The following RFC2 variants were observed in gnomAD, a reference collection of about 807,000 sequenced individuals.
The protein encoded by RFC2 is A1 40 kDa subunit.
A neutral mutation model predicts 44.8 loss-of-function variants in RFC2; 34 were observed. That is an observed-to-expected ratio of 0.76 (90% CI 0.58 to 1.01). The LOEUF (loss-of-function observed/expected upper bound fraction) is 1.01, where lower values mean the gene tolerates loss of function less well. Among genes scored for constraint, RFC2 ranks in the 50% least tolerant of loss-of-function variants. RFC2 has a pLI of 0.00. For synonymous variants in RFC2, 177 were observed against 168.9 expected (o/e 1.05, Z -0.37); for missense variants, 400 against 453.6 (o/e 0.88, Z 1.07).
intron 1 of RFC2, chr7:74,253,489 G>T (rs1344815433): frequency 6.6e-6 from 1 of 152,182 alleles, no homozygotes; most frequent in Non-Finnish European, 1.5e-5. Context: ...CTTTGGGAAG[G>T]CGAGGCGGAC....
chr7:74,248,941 G>C (rs1803775824), intron 4 of RFC2, 71 bp downstream of exon 4: 55 of 1,075,260 alleles, frequency 5.1e-5, no homozygotes, highest in Non-Finnish European at 5.6e-5. Flanking sequence ...CCAATGCTGA[G>C]AAAGGTTGTT....
chr7:74,247,150 G>GT (rs1554720215), intron 4 of RFC2, among the ~76,000 whole-genome samples: 1 of 149,004 alleles, frequency 6.7e-6, no homozygotes, highest in African/African-American at 2.5e-5. Flanking sequence ...TCATCCTTCA[G>GT]TTTTTTAACT....
In RFC2 at chr7:74,237,103, A is replaced by G. The variant is rs542586715; in HGVS notation, c.840+259T>C. Among the ~76,000 whole-genome samples, 542 of 152,078 alleles carry G rather than the reference A, an allele frequency of 3.6e-3. 2 individuals are homozygous for G. Among genetic ancestry groups the G allele is most frequent in the Non-Finnish European group, 5.5e-3 (373 of 67,990 alleles). On this transcript the variant is annotated intron_variant, in intron 9 of 10. Transcript: ENST00000055077. ...CCAGTTCCTAGACAGATTAACACAT[A>G]GCATGATATTAATAATTTTTTTTTT...
chr7:74,233,439 T>C (rs1347172974), intron 10 of RFC2, among the ~76,000 whole-genome samples: 3 of 151,974 alleles, frequency 2.0e-5, no homozygotes, highest in Non-Finnish European at 4.4e-5. Flanking sequence ...TTTTAAAAAA[T>C]GGGTATATAT....
intron 5 of RFC2, among the ~76,000 whole-genome samples, chr7:74,245,576 G>A (rs1036248099): frequency 1.5e-4 from 22 of 150,904 alleles, no homozygotes; most frequent in Non-Finnish European, 4.4e-5. Context: ...AGCTGGGCGT[G>A]GTGGAGGGCG....
intron 2 of RFC2, among the ~76,000 whole-genome samples, chr7:74,250,019 G>A (rs1333032718): frequency 1.3e-5 from 2 of 151,884 alleles, no homozygotes; most frequent in Non-Finnish European, 2.9e-5. Context: ...CAGGTGTGGT[G>A]GTGTGCTCCT....
At chr7:74,235,401 C>T in intron 10 of RFC2, 131 bp downstream of exon 10, 3 of 683,932 alleles carry the variant, frequency 4.4e-6, no homozygotes, top group Non-Finnish European at 8.2e-6. Flanking sequence ...AGGCTGGTCT[C>T]GAACTCCTGA....
At chr7:74,244,348 TA>T (rs201550100) in intron 5 of RFC2, among the ~76,000 whole-genome samples, 3,031 of 146,378 alleles carry the variant, frequency 0.021, 48 homozygotes, top group East Asian at 0.048. Context: ...ACTGCCACAT[TA>T]AAAAAAAAAA....
Position 74,250,891 on chromosome 7 carries a change from C to T in RFC2, c.184-1111G>A, listed in dbSNP as rs1253878966. ...GCAACCTCCGCCTCCCGGGTTCAAG[C>T]GATTCTCCTGCCTCAGCCTCCTGAG... On this transcript the variant is annotated intron_variant, in intron 2 of 10. Transcript: ENST00000055077. Among the ~76,000 whole-genome samples, 7 of 152,188 alleles carry T rather than the reference C, an allele frequency of 4.6e-5. No homozygotes were observed. In the East Asian group the frequency reaches 5.8e-4, roughly 13 times the overall value.
chr7:74,241,681 C>T (rs1176514535), intron 6 of RFC2, among the ~76,000 whole-genome samples: 22 of 152,272 alleles, frequency 1.4e-4, no homozygotes, highest in Non-Finnish European at 1.2e-4. Flanking sequence ...AAGGATGGGC[C>T]AGCCGTGGTG....
intron 7 of RFC2, among the ~76,000 whole-genome samples, chr7:74,239,279 G>A (rs1339247089): frequency 4.7e-5 from 7 of 149,232 alleles, no homozygotes; most frequent in South Asian, 2.1e-4. Flanking sequence ...AGGTTCAAGC[G>A]ATTCTTCTGC....
intron 4 of RFC2, among the ~76,000 whole-genome samples, chr7:74,247,564 C>T (rs1306813714): frequency 6.6e-6 from 1 of 152,162 alleles, no homozygotes; most frequent in Non-Finnish European, 1.5e-5. Flanking sequence ...CGCTTGAACC[C>T]AGAAGGCAGA....
In RFC2 at chr7:74,238,174, A is replaced by T. The variant is rs1803131857; in HGVS notation, c.760-732T>A. 6.6e-6 allele frequency among the ~76,000 whole-genome samples: 1 copy of T among 151,930 alleles called. No homozygotes were observed. Among genetic ancestry groups the T allele is most frequent in the East Asian group, 1.9e-4 (1 of 5,152 alleles). ...CTCCCCTTCCTAAGTGGCCTCGAAAATGCATTCACTGCCCAGATCTACCCA... is the reference window on the plus strand; with the variant it reads ...CTCCCCTTCCTAAGTGGCCTCGAAATTGCATTCACTGCCCAGATCTACCCA... On this transcript the variant is annotated intron_variant, in intron 8 of 10. Transcript: ENST00000055077. The surrounding 1 kb of genome is among the most constrained non-coding windows in gnomAD (Gnocchi z 4.0).
At chr7:74,235,772 A>C (rs548778832) in intron 9 of RFC2, 127 bp from the exon 10 acceptor site, 63 of 680,784 alleles carry the variant, frequency 9.3e-5, no homozygotes, top group Admixed American at 1.7e-4. Flanking sequence ...ACTGATTTTC[A>C]TGGCAGATAG....
chr7:74,253,658 T>C (rs1305501148), intron 1 of RFC2: 1 of 153,490 alleles, frequency 6.5e-6, no homozygotes, highest in Non-Finnish European at 1.5e-5. Flanking sequence ...GAGATGCAGG[T>C]TGTAGTGAGC....
At chr7:74,233,890 A>G (rs782165666) in intron 10 of RFC2, 1 of 456,638 alleles carries the variant, frequency 2.2e-6, no homozygotes. Flanking sequence ...ACCGTTTGGC[A>G]GTTCCTTATC....
intron 4 of RFC2, among the ~76,000 whole-genome samples, chr7:74,248,505 G>GTTTTTTT (rs111896800): frequency 6.9e-6 from 1 of 144,884 alleles, no homozygotes; most frequent in Non-Finnish European, 1.5e-5. Flanking sequence ...AAACTAGTTG[G>GTTTTTTT]TTTTTTTTTT....
intron 5 of RFC2, among the ~76,000 whole-genome samples, chr7:74,245,342 C>A (rs1465044568): frequency 1.3e-5 from 2 of 151,170 alleles, no homozygotes; most frequent in Non-Finnish European, 2.9e-5. Context: ...TTTATACCAA[C>A]CGAAGTGTTG....
chr7:74,248,343 A>G (rs1339180078), intron 4 of RFC2, among the ~76,000 whole-genome samples: 1 of 152,030 alleles, frequency 6.6e-6, no homozygotes, highest in Non-Finnish European at 1.5e-5. Flanking sequence ...CGTCTCCACA[A>G]GAAAAAGCTG....
Sources: allele counts gnomAD v4.1 joint callset (sites outside exome capture counted in the v4.1 genomes callset), GRCh38; gene constraint gnomAD v4.1.1; non-coding constraint Gnocchi (gnomAD v3.1); transcripts MANE v1.5; gene names NCBI Gene and HGNC (gene_info 2026-07-23, HGNC 2026-07-21).